Variants in PCDH11Y observed in about 807,000 individuals in gnomAD.
The protein encoded by PCDH11Y is protocadherin-11 Y-linked.
For missense variants in PCDH11Y, 12 were observed against 224.8 expected (o/e 0.05, Z 6.05); for synonymous variants, 9 against 83.6 (o/e 0.11, Z 4.87).
chrY:5,635,887 T>C (rs2053517284), intron 4 of PCDH11Y, among the ~76,000 whole-genome samples: 1 of 34,221 alleles, frequency 2.9e-5, no homozygotes, highest in South Asian at 6.4e-4. Flanking sequence ...AATCAATCTG[T>C]CTTATAAAGA....
At chrY:5,374,583 A>C in intron 2 of PCDH11Y, among the ~76,000 whole-genome samples, 2 of 30,875 alleles carry the variant, frequency 6.5e-5, no homozygotes, top group South Asian at 7.4e-4. Flanking sequence ...GAAGCACAAT[A>C]AACTGTACTT....
intron 2 of PCDH11Y, among the ~76,000 whole-genome samples, chrY:5,426,749 G>A: frequency 6.1e-5 from 2 of 32,586 alleles, no homozygotes; most frequent in African/African-American, 2.4e-4. Context: ...GTACTACTCA[G>A]ATTAATAATA....
chrY:5,239,378 G>A (rs1569476244), intron 2 of PCDH11Y, among the ~76,000 whole-genome samples: 1 of 32,720 alleles, frequency 3.1e-5, no homozygotes, highest in East Asian at 8.4e-4. Context: ...TGAACAATGA[G>A]AACACATGGG....
chrY:5,738,898 G>C (rs1602966089), exon 5 of PCDH11Y: 1 of 29,844 alleles, frequency 3.4e-5, no homozygotes, highest in East Asian at 8.8e-4. Flanking sequence ...CTATTTTGTA[G>C]AGAAACTCAG....
At chrY:5,618,835 CA>C (rs1347870794) in intron 4 of PCDH11Y, among the ~76,000 whole-genome samples, 3 of 2,686 alleles carry the variant, frequency 1.1e-3, no homozygotes, top group Admixed American at 5.1e-3. Context: ...CCTGTCTCTA[CA>C]AAAAAAAAAA....
intron 2 of PCDH11Y, among the ~76,000 whole-genome samples, chrY:5,413,670 G>T: frequency 3.0e-5 from 1 of 32,969 alleles, no homozygotes; most frequent in Non-Finnish European, 7.5e-5. Flanking sequence ...CACAGGAATG[G>T]TACTAGCTCT....
At chrY:5,041,032 A>C in intron 3 of PCDH11Y, among the ~76,000 whole-genome samples, 1 of 32,161 alleles carries the variant, frequency 3.1e-5, no homozygotes, top group Non-Finnish European at 7.6e-5. Flanking sequence ...GGTTTAAAAC[A>C]AAAGAATTGG....
At chrY:5,634,889 G>T in intron 4 of PCDH11Y, among the ~76,000 whole-genome samples, 4 of 30,373 alleles carry the variant, frequency 1.3e-4, no homozygotes, top group Non-Finnish European at 2.3e-4. Flanking sequence ...ATCAAAAAAG[G>T]GTCGTCTAAT....
intron 1 of PCDH11Y, among the ~76,000 whole-genome samples, chrY:5,012,889 G>T (rs2052554269): frequency 4.1e-5 from 1 of 24,498 alleles, no homozygotes; most frequent in Non-Finnish European, 9.3e-5. Context: ...TCGCTCTGTC[G>T]CCCAGGCTGG....
rs1602933748 is a variant in PCDH11Y, at chrY:5,494,398, G to A, written c.3130-6659G>A. Among the ~76,000 whole-genome samples, 3 of 32,953 alleles carry A rather than the reference G, an allele frequency of 9.1e-5. No homozygotes were observed. The East Asian group carries it at 2.4e-3, about 26-fold the overall frequency. The allele number at this position is 32,953 out of a possible 37,273, so 88.4% of individuals were successfully genotyped here. A position where few individuals can be genotyped will look rare whatever the true frequency, so the allele number is the denominator to read the frequency against. ...ACTGAAAGAAGAAGCTTCATCTTGC[G>A]TATCTACAAATAGATTATTTCCATT... On this transcript the variant is annotated intron_variant, in intron 2 of 4. Transcript: ENST00000400457.
intron 3 of PCDH11Y, among the ~76,000 whole-genome samples, chrY:5,550,268 C>T: frequency 3.1e-5 from 1 of 32,570 alleles, no homozygotes; most frequent in Non-Finnish European, 7.6e-5. Flanking sequence ...CTACTCTGTA[C>T]GCACAAAAAT....
chrY:5,320,756 T>A, intron 2 of PCDH11Y, among the ~76,000 whole-genome samples: 1 of 33,665 alleles, frequency 3.0e-5, no homozygotes, highest in Non-Finnish European at 7.4e-5. Context: ...TTGCTGAAGA[T>A]CAATCTGCCT....
At chrY:5,419,941 T>C in intron 2 of PCDH11Y, among the ~76,000 whole-genome samples, 1 of 30,546 alleles carries the variant, frequency 3.3e-5, no homozygotes, top group African/African-American at 1.3e-4. Flanking sequence ...CTGTTAAGCA[T>C]ATACATTTGA....
At chrY:5,066,494 G>C in intron 1 of PCDH11Y, among the ~76,000 whole-genome samples, 1 of 33,292 alleles carries the variant, frequency 3.0e-5, no homozygotes, top group African/African-American at 1.2e-4. Context: ...ATGAATTTTA[G>C]ATTGCATATA....
chrY:5,247,112 A>G (rs2052996975), intron 2 of PCDH11Y, among the ~76,000 whole-genome samples: 1 of 34,021 alleles, frequency 2.9e-5, no homozygotes, highest in Admixed American at 2.6e-4. Context: ...AGAACTACAA[A>G]GAGACTTGGA....
intron 4 of PCDH11Y, among the ~76,000 whole-genome samples, chrY:5,668,262 T>C (rs2053546608): frequency 3.0e-5 from 1 of 33,319 alleles, no homozygotes; most frequent in African/African-American, 1.2e-4. Context: ...ATCTGATCAT[T>C]GTAGGACTAG....
intron 4 of PCDH11Y, among the ~76,000 whole-genome samples, chrY:5,731,080 TG>T (rs2053604038): frequency 6.3e-5 from 2 of 31,789 alleles, no homozygotes; most frequent in Non-Finnish European, 7.7e-5. Context: ...TTTCATTTTT[TG>T]TTGTGTCTTT....
chrY:5,333,956 G>A (rs1602906318), intron 2 of PCDH11Y, among the ~76,000 whole-genome samples: 1 of 32,025 alleles, frequency 3.1e-5, no homozygotes, highest in East Asian at 8.2e-4. Flanking sequence ...CTGATTGTTC[G>A]GACTGAAGAT....
At chrY:5,451,314 A>G in intron 2 of PCDH11Y, among the ~76,000 whole-genome samples, 1 of 32,574 alleles carries the variant, frequency 3.1e-5, no homozygotes. Flanking sequence ...AAGGTAGGAA[A>G]TTTGCATTTG....
Sources: gnomAD v4.1 joint callset for allele counts (sites outside exome capture counted in the v4.1 genomes callset) on GRCh38, gnomAD v4.1.1 for gene constraint, MANE v1.5 for transcripts, NCBI Gene and HGNC (gene_info 2026-07-23, HGNC 2026-07-21) for gene names.